ERC2: variants seen among roughly 807,000 people sequenced by gnomAD.
ERC2 encodes the protein ERC protein 2.
ERC2 carries 42 observed loss-of-function variants against 114.8 expected under a neutral mutation model. The observed-to-expected ratio is 0.37, with a 90% CI of 0.29 to 0.47. The LOEUF (loss-of-function observed/expected upper bound fraction) is 0.47. Among genes scored for constraint, ERC2 ranks in the 20% least tolerant of loss-of-function variants. ERC2 has a pLI of 0.99. For synonymous variants in ERC2, 454 were observed against 425.5 expected (o/e 1.07, Z -0.82); for missense variants, 939 against 1,150.7 (o/e 0.82, Z 2.66).
intron 2 of ERC2, among the ~76,000 whole-genome samples, chr3:56,360,970 G>T (rs925369532): frequency 6.6e-6 from 1 of 151,882 alleles, no homozygotes; most frequent in Admixed American, 6.6e-5. Flanking sequence ...GAGGGAAATG[G>T]GCATCCACTA....
At chr3:55,653,572 T>A (rs1368338094) in intron 17 of ERC2, among the ~76,000 whole-genome samples, 1 of 14,928 alleles carries the variant, frequency 6.7e-5, no homozygotes, top group African/African-American at 1.7e-4. Flanking sequence ...AAAGTGTGTG[T>A]GTGTGTGTGT....
intron 2 of ERC2, among the ~76,000 whole-genome samples, chr3:56,324,123 T>G (rs1196625323): frequency 6.6e-6 from 1 of 152,122 alleles, no homozygotes; most frequent in African/African-American, 2.4e-5. Flanking sequence ...CCCTAAACAA[T>G]AACTACACTG....
intron 15 of ERC2, among the ~76,000 whole-genome samples, chr3:55,726,563 C>A (rs1257054941): frequency 6.6e-6 from 1 of 152,152 alleles, no homozygotes; most frequent in Admixed American, 6.5e-5. Context: ...GAACACATTC[C>A]AGGGCAGCCT....
chr3:56,153,247 C>G (rs2081524954), intron 4 of ERC2, among the ~76,000 whole-genome samples: 1 of 152,134 alleles, frequency 6.6e-6, no homozygotes, highest in Non-Finnish European at 1.5e-5. Context: ...TCAAGAAGAT[C>G]CATGGGCATC....
chr3:55,732,301 C>T (rs973267922), intron 15 of ERC2, among the ~76,000 whole-genome samples: 3 of 152,108 alleles, frequency 2.0e-5, no homozygotes, highest in Non-Finnish European at 4.4e-5. Flanking sequence ...AATAAGGATA[C>T]TGAAATTCAG....
At chr3:56,196,528 CA>C (rs1300783104) in intron 3 of ERC2, among the ~76,000 whole-genome samples, 1 of 143,606 alleles carries the variant, frequency 7.0e-6, no homozygotes, top group African/African-American at 2.6e-5. Flanking sequence ...TATCAAAGAC[CA>C]AAACTTCTTG....
intron 10 of ERC2, 75 bp from the exon 11 acceptor site, chr3:55,992,325 C>A: frequency 7.7e-7 from 1 of 1,291,812 alleles, no homozygotes; most frequent in Non-Finnish European, 1.1e-6. Flanking sequence ...CACCAATGGT[C>A]CAGAAATTAA....
intron 2 of ERC2, among the ~76,000 whole-genome samples, chr3:56,363,080 T>G (rs555260102): frequency 7.3e-4 from 111 of 152,202 alleles, no homozygotes; most frequent in African/African-American, 2.6e-3. Context: ...GATACTTTTA[T>G]GATATAGAAG....
chr3:55,832,305 C>T (rs540369581), intron 14 of ERC2, among the ~76,000 whole-genome samples: 6 of 152,250 alleles, frequency 3.9e-5, no homozygotes, highest in Non-Finnish European at 7.3e-5. Flanking sequence ...ACTGCCTCCT[C>T]AAGTGGGTCC....
At chr3:56,113,175 T>C (rs886236595) in intron 6 of ERC2, among the ~76,000 whole-genome samples, 9 of 152,072 alleles carry the variant, frequency 5.9e-5, no homozygotes, top group Non-Finnish European at 1.2e-4. Flanking sequence ...ATCAGAGCCA[T>C]GTATGAACAC....
chr3:56,409,582 T>G (rs2060863721), intron 2 of ERC2, among the ~76,000 whole-genome samples: 1 of 150,736 alleles, frequency 6.6e-6, no homozygotes, highest in Non-Finnish European at 1.5e-5. Flanking sequence ...CTGATCAGAT[T>G]CTCTCAGGAA....
intron 6 of ERC2, among the ~76,000 whole-genome samples, chr3:56,134,328 A>G (rs2080370922): frequency 6.6e-6 from 1 of 152,248 alleles, no homozygotes; most frequent in Non-Finnish European, 1.5e-5. Flanking sequence ...GGTACCATAA[A>G]TCAGTTCTCT....
At chr3:55,675,903 C>CTTTTTTTTT (rs869296098) in intron 17 of ERC2, among the ~76,000 whole-genome samples, 541 of 47,990 alleles carry the variant, frequency 0.011, 91 homozygotes, top group Non-Finnish European at 0.012. Flanking sequence ...TCTTTTCTTT[C>CTTTTTTTTT]TTTTTTTTTT....
intron 6 of ERC2, among the ~76,000 whole-genome samples, chr3:56,127,194 T>C (rs1436466347): frequency 6.6e-6 from 1 of 152,152 alleles, no homozygotes; most frequent in African/African-American, 2.4e-5. Flanking sequence ...AACCAAAAGA[T>C]ATCCCATGTT....
intron 15 of ERC2, among the ~76,000 whole-genome samples, chr3:55,713,108 C>G (rs1172899790): frequency 2.7e-5 from 3 of 112,346 alleles, no homozygotes; most frequent in Non-Finnish European, 5.2e-5. Context: ...CTCTCTCTCT[C>G]TCTCTCTCTC....
intron 13 of ERC2, among the ~76,000 whole-genome samples, chr3:55,933,630 G>A (rs952328133): frequency 6.6e-6 from 1 of 152,158 alleles, no homozygotes; most frequent in Admixed American, 6.5e-5. Flanking sequence ...CCAAGTAGCC[G>A]TCAAAGTCCG....
intron 2 of ERC2, among the ~76,000 whole-genome samples, chr3:56,319,977 G>A (rs2057051872): frequency 6.6e-6 from 1 of 152,148 alleles, no homozygotes; most frequent in African/African-American, 2.4e-5. Context: ...GTAAGCAAAT[G>A]TAAACTCACA....
chr3:56,219,784 C>A (rs1343673934), intron 3 of ERC2, among the ~76,000 whole-genome samples: 3 of 151,808 alleles, frequency 2.0e-5, no homozygotes, highest in Admixed American at 2.0e-4. Context: ...CTCCCTACTT[C>A]CAGAGATATT....
intron 3 of ERC2, among the ~76,000 whole-genome samples, chr3:56,189,951 C>T (rs756486842): frequency 3.9e-5 from 6 of 152,164 alleles, no homozygotes; most frequent in Non-Finnish European, 7.3e-5. Flanking sequence ...AGTGACAACA[C>T]ATGAAAGCCC....
Sources: gnomAD v4.1 joint callset for allele counts (sites outside exome capture counted in the v4.1 genomes callset) on GRCh38, gnomAD v4.1.1 for gene constraint, MANE v1.5 for transcripts, NCBI Gene and HGNC (gene_info 2026-07-23, HGNC 2026-07-21) for gene names.